Variants in SEC24D observed in about 807,000 individuals in gnomAD.
The protein encoded by SEC24D is protein transport protein Sec24D.
SEC24D carries 69 observed loss-of-function variants against 116.9 expected under a neutral mutation model. The ratio of observed to expected loss-of-function variants is 0.59; its 90% CI spans 0.49 to 0.72. The LOEUF is 0.72. Among genes scored for constraint, SEC24D ranks in the 30% least tolerant of loss-of-function variants. SEC24D has a pLI of 0.00. For missense variants in SEC24D, 1,131 were observed against 1,264.1 expected, an observed-to-expected ratio of 0.89 and a Z score of 1.60; for synonymous variants, 405 against 442.8, an observed-to-expected ratio of 0.91 and a Z score of 1.07.
At chr4:118,744,742 T>A (rs1726415721) in intron 14 of SEC24D, among the ~76,000 whole-genome samples, 1 of 152,236 alleles carries the variant, frequency 6.6e-6, no homozygotes, top group African/African-American at 2.4e-5. Context: ...TTATTTTAAT[T>A]TACATATTTC....
chr4:118,792,767 G>A (rs1728987021), intron 8 of SEC24D, among the ~76,000 whole-genome samples: 1 of 151,994 alleles, frequency 6.6e-6, no homozygotes, highest in Non-Finnish European at 1.5e-5. Context: ...AGGCGGCAGG[G>A]CCCTCTGCCT....
intron 15 of SEC24D, among the ~76,000 whole-genome samples, chr4:118,741,388 T>C (rs1472649528): frequency 3.9e-5 from 6 of 152,192 alleles, no homozygotes; most frequent in Non-Finnish European, 8.8e-5. Flanking sequence ...TTAATGAGGC[T>C]AGGGAAAGAC....
Position 118,740,666 on chromosome 4 carries a change from G to T in SEC24D, c.2235C>A (p.Ile745=). 1.2e-6 allele frequency: 2 copies of T among 1,613,654 alleles called. No homozygotes were observed. Among genetic ancestry groups the T allele is most frequent in the Non-Finnish European group, 1.7e-6 (2 of 1,179,716 alleles). ...DKLSEDSGAL[I]QCAVLYTTIS... ...GTGGGAATACACTTTCAATCACCTG[G>T]ATTAAGGCTCCACTGTCTTCACTGA... Residue 745 remains isoleucine (I), a synonymous_variant, in exon 17 of 23, where the codon ATC becomes ATA. Transcript: ENST00000280551.
At chr4:118,770,415 C>G (rs1727844661) in intron 8 of SEC24D, among the ~76,000 whole-genome samples, 1 of 152,138 alleles carries the variant, frequency 6.6e-6, no homozygotes, top group South Asian at 2.1e-4. Context: ...ATGTGCTGTT[C>G]AGGTAGCTTC....
chr4:118,784,399 A>G (rs1349348007), intron 8 of SEC24D, among the ~76,000 whole-genome samples: 1 of 152,206 alleles, frequency 6.6e-6, no homozygotes, highest in Non-Finnish European at 1.5e-5. Flanking sequence ...TTATGTTTGA[A>G]CTATTTAAAG....
chr4:118,791,980 C>G (rs554658271), intron 8 of SEC24D, among the ~76,000 whole-genome samples: 1 of 151,842 alleles, frequency 6.6e-6, no homozygotes, highest in South Asian at 2.1e-4. Context: ...TCTGCCTGGC[C>G]GCCCATTGTC....
In SEC24D at chr4:118,723,716, T is replaced by C. The variant is rs1195456937; in HGVS notation, c.2959-61A>G. 2.6e-6 allele frequency: 4 copies of C among 1,551,318 alleles called. No individual in the cohort carries two copies. The African/African-American group carries it at 4.2e-5, about 16-fold the overall frequency. On this transcript the variant is annotated intron_variant, in intron 22 of 22. Transcript: ENST00000280551. Reference sequence around the variant, plus strand: ...GTTATAAACATTATTTGAAAATGGGTCAATTTTGTCTATTTCAATTTTGGC... The same window carrying C: ...GTTATAAACATTATTTGAAAATGGGCCAATTTTGTCTATTTCAATTTTGGC...
At chr4:118,809,317 A>C (rs2110517313) in intron 6 of SEC24D, among the ~76,000 whole-genome samples, 1 of 152,278 alleles carries the variant, frequency 6.6e-6, no homozygotes, top group Middle Eastern at 3.4e-3. Flanking sequence ...TGGACACAGA[A>C]AAGGAGGGAG....
At position 118,743,996 on chromosome 4, in the gene SEC24D, T is replaced by G. The variant is rs755669300; in HGVS notation, c.1987A>C (p.Asn663His). Residue 663 changes from asparagine (N) to histidine (H), a missense_variant, in exon 15 of 23, where the codon AAT becomes CAT. Physicochemically the swap from Asn to His is moderately conservative, Grantham distance 68. Coordinates refer to ENST00000280551, the MANE Select transcript of SEC24D (RefSeq NM_014822.4). ...AAATTGCTGGCATTTACCTGGAAAT[T>G]GTTGTATTTGTAAAGGGTTCCTCCA... ...LTGGTLYKYN[N>H]FQMHLDRQQF... The G allele has an allele frequency of 6.3e-7, 1 of 1,594,750 alleles. No individual in the cohort carries two copies. Among genetic ancestry groups the G allele is most frequent in the East Asian group, 2.2e-5 (1 of 44,648 alleles).
chr4:118,731,586 TCCTCCCTCC>T, intron 20 of SEC24D, 79 bp from the exon 21 acceptor site: 2 of 1,243,970 alleles, frequency 1.6e-6, no homozygotes, highest in Non-Finnish European at 2.3e-6. Context: ...CTTTCCTTTT[TCCTCCCTCC>T]CCTCCCTCAA....
intron 17 of SEC24D, among the ~76,000 whole-genome samples, chr4:118,740,127 C>G (rs1047883968): frequency 3.9e-5 from 6 of 152,066 alleles, no homozygotes; most frequent in African/African-American, 1.4e-4. Context: ...TGGATATAGG[C>G]ATGTAACAGA....
chr4:118,743,796 C>T (rs532921173), intron 15 of SEC24D, among the ~76,000 whole-genome samples, 192 bp downstream of exon 15: 9 of 152,184 alleles, frequency 5.9e-5, no homozygotes, highest in East Asian at 1.9e-4. Flanking sequence ...ATTTTTGATC[C>T]GAGGTTGGTT....
chr4:118,772,649 A>C (rs1219850897), intron 8 of SEC24D, among the ~76,000 whole-genome samples: 1 of 152,176 alleles, frequency 6.6e-6, no homozygotes, highest in Non-Finnish European at 1.5e-5. Context: ...CTGTGAAGCA[A>C]AGAGAACAAT....
intron 8 of SEC24D, among the ~76,000 whole-genome samples, chr4:118,787,424 C>CATAA (rs1728700771): frequency 6.6e-6 from 1 of 152,116 alleles, no homozygotes; most frequent in African/African-American, 2.4e-5. Context: ...ATACAGTAAT[C>CATAA]AGTTTAATTT....
intron 13 of SEC24D, among the ~76,000 whole-genome samples, chr4:118,751,555 T>G (rs1338633530): frequency 6.6e-6 from 1 of 152,174 alleles, no homozygotes; most frequent in Non-Finnish European, 1.5e-5. Context: ...GCTTCCCAAC[T>G]GGAGACATGG....
chr4:118,827,662 T>G (rs1014197084), intron 2 of SEC24D, among the ~76,000 whole-genome samples: 3 of 152,198 alleles, frequency 2.0e-5, no homozygotes, highest in Non-Finnish European at 4.4e-5. Flanking sequence ...CTGGCCAGCC[T>G]GGTGGCAGAG....
chr4:118,747,416 G>A (rs1422332542), intron 13 of SEC24D, among the ~76,000 whole-genome samples: 3 of 151,534 alleles, frequency 2.0e-5, no homozygotes, highest in Admixed American at 1.3e-4. Context: ...ACAGACGTGC[G>A]CCACCACGCC....
At position 118,817,366 on chromosome 4, in the gene SEC24D, G is replaced by A. The variant is rs1262221674; in HGVS notation, c.295C>T (p.Pro99Ser). Residue 99 changes from proline to serine, a missense_variant, in exon 4 of 23, where the codon CCA becomes TCA. Coordinates refer to ENST00000280551, the MANE Select transcript of SEC24D (RefSeq NM_014822.4). ...GAAGATTGTGCAGAGGGTTGGTATG[G>A]TGCATGTGAGGATGCCACATTGTTG... ...PVNNVASSHA[P>S]YQPSAQSSYP... 4 of 1,613,078 alleles carry A rather than the reference G, an allele frequency of 2.5e-6. No individual in the cohort carries two copies. Among genetic ancestry groups the A allele is most frequent in the Non-Finnish European group, 3.4e-6 (4 of 1,179,518 alleles).
At chr4:118,763,303 C>A (rs1241552426) in intron 10 of SEC24D, among the ~76,000 whole-genome samples, 1 of 151,962 alleles carries the variant, frequency 6.6e-6, no homozygotes, top group East Asian at 1.9e-4. Flanking sequence ...GCAAAATAAT[C>A]ATATAAAGTA....
Sources: allele counts gnomAD v4.1 joint callset (sites outside exome capture counted in the v4.1 genomes callset), GRCh38; gene constraint gnomAD v4.1.1; transcripts MANE v1.5; gene names NCBI Gene and HGNC (gene_info 2026-07-23, HGNC 2026-07-21).